Variants in ENOX1 observed in about 807,000 individuals in gnomAD.
The protein encoded by ENOX1 is ecto-NOX disulfide-thiol exchanger 1.
Under a neutral mutation model 82.5 loss-of-function variants are expected in ENOX1, and 42 were observed. That is an observed-to-expected ratio of 0.51 (90% CI 0.40 to 0.66). The LOEUF (loss-of-function observed/expected upper bound fraction) is 0.66. ENOX1 is among the 30% of genes least tolerant of loss of function. The probability of loss-of-function intolerance (pLI) is 0.00; values close to 1 mark genes in which losing one functional copy is unlikely to be tolerated. For synonymous variants in ENOX1, 271 were observed against 282.2 expected (o/e 0.96, Z 0.40); for missense variants, 608 against 811.6 (o/e 0.75, Z 3.05).
At chr13:43,589,937 T>A (rs1438702479) in intron 2 of ENOX1, among the ~76,000 whole-genome samples, 14 of 147,388 alleles carry the variant, frequency 9.5e-5, no homozygotes, top group African/African-American at 3.2e-4. Flanking sequence ...ACATCCCTCA[T>A]AATTCCCACA....
intron 2 of ENOX1, among the ~76,000 whole-genome samples, chr13:43,530,191 G>A (rs2078150629): frequency 6.6e-6 from 1 of 152,104 alleles, no homozygotes; most frequent in African/African-American, 2.4e-5. Context: ...CTTATTCAAT[G>A]GAGATAGCAA....
At chr13:43,263,585 C>T (rs2044205079) in intron 14 of ENOX1, among the ~76,000 whole-genome samples, 1 of 152,238 alleles carries the variant, frequency 6.6e-6, no homozygotes, top group South Asian at 2.1e-4. Context: ...CCTGTCTATA[C>T]ATGTATCATC....
At chr13:43,676,894 C>G (rs2085536845) in intron 1 of ENOX1, among the ~76,000 whole-genome samples, 1 of 152,056 alleles carries the variant, frequency 6.6e-6, no homozygotes, top group South Asian at 2.1e-4. Context: ...CCATTTATTA[C>G]TGGTTGTCTT....
rs1020628383 is a variant in ENOX1, at chr13:43,402,486, A to G, written c.208+9430T>C. ...CTTTAATGATAGAGGAAATACAAAGATGATTAGCTACAGTTCTTTCCCATA... is the reference window on the plus strand; with the variant it reads ...CTTTAATGATAGAGGAAATACAAAGGTGATTAGCTACAGTTCTTTCCCATA... On this transcript the variant is annotated intron_variant, in intron 5 of 16. Transcript: ENST00000690772. Among the ~76,000 whole-genome samples, 3 of 152,218 alleles carry G rather than the reference A, an allele frequency of 2.0e-5. No individual in the cohort carries two copies. In the East Asian group the frequency reaches 5.8e-4, roughly 29 times the overall value.
At chr13:43,292,352 T>C (rs1036304294) in intron 12 of ENOX1, among the ~76,000 whole-genome samples, 9 of 152,124 alleles carry the variant, frequency 5.9e-5, no homozygotes, top group African/African-American at 1.7e-4. Flanking sequence ...TGGAAGATAC[T>C]AGGAAAAAGA....
intron 2 of ENOX1, among the ~76,000 whole-genome samples, chr13:43,579,174 AT>A: frequency 6.6e-6 from 1 of 152,170 alleles, no homozygotes; most frequent in Non-Finnish European, 1.5e-5. Context: ...CACACATTAA[AT>A]GTAAATTCCA....
intron 5 of ENOX1, among the ~76,000 whole-genome samples, chr13:43,386,109 T>C (rs61950494): frequency 0.045 from 6,866 of 152,258 alleles, 237 homozygotes; most frequent in Non-Finnish European, 0.065. Context: ...GAGGATGCAG[T>C]GAGCTGAGAC....
At chr13:43,332,344 C>T (rs1398175099) in intron 9 of ENOX1, among the ~76,000 whole-genome samples, 5 of 152,174 alleles carry the variant, frequency 3.3e-5, no homozygotes, top group African/African-American at 1.2e-4. Flanking sequence ...AGGGTTCACG[C>T]TCCTGTAAGA....
At chr13:43,541,862 AAAGAT>A (rs919550941) in intron 2 of ENOX1, among the ~76,000 whole-genome samples, 2 of 152,202 alleles carry the variant, frequency 1.3e-5, no homozygotes, top group African/African-American at 4.8e-5. Context: ...TCCAAAATAA[AAAGAT>A]AAAGTTTCTA....
chr13:43,670,386 A>T (rs531300261), intron 1 of ENOX1, among the ~76,000 whole-genome samples: 1 of 152,256 alleles, frequency 6.6e-6, no homozygotes, highest in African/African-American at 2.4e-5. Flanking sequence ...CTATGAACGA[A>T]ACTTTGTAGG....
intron 3 of ENOX1, among the ~76,000 whole-genome samples, chr13:43,425,568 C>T (rs1391991264): frequency 6.6e-6 from 1 of 152,156 alleles, no homozygotes; most frequent in African/African-American, 2.4e-5. Flanking sequence ...TCTTTTTCTA[C>T]TACAGTCTTA....
chr13:43,532,127 A>G (rs1488725335), intron 2 of ENOX1, among the ~76,000 whole-genome samples: 1 of 152,142 alleles, frequency 6.6e-6, no homozygotes, highest in African/African-American at 2.4e-5. Flanking sequence ...TTAACATGTT[A>G]AAGACTGAAT....
At chr13:43,581,992 C>A (rs1172307820) in intron 2 of ENOX1, among the ~76,000 whole-genome samples, 1 of 152,140 alleles carries the variant, frequency 6.6e-6, no homozygotes. Flanking sequence ...CCTGGAAACA[C>A]AGAACACACC....
chr13:43,374,657 T>C (rs2051493457), intron 5 of ENOX1, among the ~76,000 whole-genome samples: 1 of 152,268 alleles, frequency 6.6e-6, no homozygotes, highest in Non-Finnish European at 1.5e-5. Context: ...CATCTAGTTT[T>C]GAATTGTTAC....
intron 15 of ENOX1, among the ~76,000 whole-genome samples, chr13:43,228,229 G>A (rs2042115178): frequency 6.6e-6 from 1 of 151,216 alleles, no homozygotes. Flanking sequence ...TGGTCCTCTG[G>A]AATAGACCTA....
intron 12 of ENOX1, among the ~76,000 whole-genome samples, chr13:43,281,157 A>C (rs1319716735): frequency 2.0e-5 from 3 of 152,158 alleles, no homozygotes; most frequent in Non-Finnish European, 4.4e-5. Flanking sequence ...GAACTATCTC[A>C]GATTTGCCCT....
intron 5 of ENOX1, among the ~76,000 whole-genome samples, chr13:43,391,009 A>G (rs891232601): frequency 2.6e-5 from 4 of 151,860 alleles, no homozygotes; most frequent in African/African-American, 9.7e-5. Flanking sequence ...CCTATGTACC[A>G]TCTCACCCGT....
At chr13:43,685,873 A>AACACACACACACACACAC (rs60259011) in intron 1 of ENOX1, among the ~76,000 whole-genome samples, 9 of 141,526 alleles carry the variant, frequency 6.4e-5, no homozygotes, top group African/African-American at 2.4e-4. Flanking sequence ...CCCAGAAGGA[A>AACACACACACACACACAC]ACACACACAC....
intron 3 of ENOX1, among the ~76,000 whole-genome samples, chr13:43,425,096 AGGT>A (rs1264054757): frequency 6.6e-6 from 1 of 152,204 alleles, no homozygotes; most frequent in Non-Finnish European, 1.5e-5. Flanking sequence ...GGGCACAGAA[AGGT>A]GGTTCCAACC....
Sources: gnomAD v4.1 joint callset for allele counts (sites outside exome capture counted in the v4.1 genomes callset) on GRCh38, gnomAD v4.1.1 for gene constraint, MANE v1.5 for transcripts, NCBI Gene and HGNC (gene_info 2026-07-23, HGNC 2026-07-21) for gene names.